Variants in TSHZ2 observed in about 807,000 individuals in gnomAD.
The protein encoded by TSHZ2 is teashirt zinc finger homeobox 2.
In TSHZ2, 21 loss-of-function variants were observed where a neutral mutation model predicts 74.4. That is an observed-to-expected ratio of 0.28 (90% CI 0.20 to 0.41). The LOEUF (loss-of-function observed/expected upper bound fraction) is 0.41, where lower values mean the gene tolerates loss of function less well. Among genes scored for constraint, TSHZ2 ranks in the 10% least tolerant of loss-of-function variants. The pLI is 1.00. For missense variants in TSHZ2, 1,244 were observed against 1,293.5 expected (o/e 0.96, Z 0.59); for synonymous variants, 540 against 515.3 (o/e 1.05, Z -0.65).
chr20:53,055,771 A>G (rs4356720), intron 1 of TSHZ2, among the ~76,000 whole-genome samples: 13,772 of 152,246 alleles, frequency 0.09, 1,715 homozygotes, highest in African/African-American at 0.28. Context: ...TCCCAGGGGC[A>G]GATAAACTAT....
intron 1 of TSHZ2, among the ~76,000 whole-genome samples, chr20:53,214,405 G>T (rs776219084): frequency 2.0e-5 from 3 of 152,146 alleles, no homozygotes; most frequent in Non-Finnish European, 2.9e-5. Context: ...GACTGGTATG[G>T]GAAGGGGCTT....
intron 2 of TSHZ2, among the ~76,000 whole-genome samples, chr20:53,391,115 C>CTTTTGTTTTGTTTTG (rs151236380): frequency 0.01 from 1,498 of 147,642 alleles, 18 homozygotes; most frequent in African/African-American, 0.02. Context: ...ATATACTACA[C>CTTTTGTTTTGTTTTG]TTTTGTTTTG....
In TSHZ2 at chr20:53,008,980, C is replaced by CCTCTCTCTCTCT. The variant is rs55692015; in HGVS notation, c.40+35687_40+35698dup. On this transcript the variant is annotated intron_variant, in intron 1 of 2. Transcript: ENST00000371497. ...GAAGTTATTTGAATGTTGTCTTTCT[C>CCTCTCTCTCTCT]CTCTCTCTCTCTCTCTCTCTCTCTC... Among the ~76,000 whole-genome samples, 362 of 130,484 alleles carry CCTCTCTCTCTCT rather than the reference C, an allele frequency of 2.8e-3. 7 individuals carry two copies. Among genetic ancestry groups the CCTCTCTCTCTCT allele is most frequent in the African/African-American group, 3.2e-3 (101 of 31,876 alleles). 85.6% of individuals were successfully genotyped at this position (130,484 alleles called of 152,430 possible).
At chr20:53,021,409 G>A (rs1312090964) in intron 1 of TSHZ2, among the ~76,000 whole-genome samples, 1 of 152,138 alleles carries the variant, frequency 6.6e-6, no homozygotes, top group African/African-American at 2.4e-5. Flanking sequence ...AAGCACACTA[G>A]TTTAAGAACC....
chr20:53,212,129 C>A (rs767512654), intron 1 of TSHZ2, among the ~76,000 whole-genome samples: 2 of 152,206 alleles, frequency 1.3e-5, no homozygotes, highest in Non-Finnish European at 2.9e-5. Flanking sequence ...CCAGACAGCA[C>A]TGCTTCTCTA....
At chr20:53,350,995 G>T (rs1239663030) in intron 2 of TSHZ2, among the ~76,000 whole-genome samples, 1 of 152,144 alleles carries the variant, frequency 6.6e-6, no homozygotes, top group Non-Finnish European at 1.5e-5. Flanking sequence ...TTTTATGAAG[G>T]TTCCAGCCAT....
intron 1 of TSHZ2, among the ~76,000 whole-genome samples, chr20:53,041,565 A>G (rs1256411861): frequency 3.3e-5 from 5 of 152,162 alleles, no homozygotes. Flanking sequence ...CTCAAGGAAG[A>G]CTAGGGTCAA....
At chr20:53,136,085 T>C (rs543018661) in intron 1 of TSHZ2, among the ~76,000 whole-genome samples, 1 of 152,320 alleles carries the variant, frequency 6.6e-6, no homozygotes, top group Non-Finnish European at 1.5e-5. Flanking sequence ...TTCTTGCTGG[T>C]GGGGACACTC....
chr20:53,027,892 T>A (rs6022229), intron 1 of TSHZ2, among the ~76,000 whole-genome samples: 106,993 of 152,002 alleles, frequency 0.7, 38,726 homozygotes, highest in East Asian at 0.96. Flanking sequence ...ATATTTTTTT[T>A]AAAAAAGAAA....
At chr20:53,362,768 C>T (rs776224788) in intron 2 of TSHZ2, among the ~76,000 whole-genome samples, 16 of 152,136 alleles carry the variant, frequency 1.1e-4, no homozygotes, top group Non-Finnish European at 1.9e-4. Context: ...TTGGAATGTA[C>T]ATTAATTTAT....
At chr20:53,360,583 T>A (rs781664697) in intron 2 of TSHZ2, among the ~76,000 whole-genome samples, 2 of 152,192 alleles carry the variant, frequency 1.3e-5, no homozygotes, top group Non-Finnish European at 2.9e-5. Context: ...GATGGTGTGA[T>A]TTTTGTCAGG....
chr20:53,072,394 C>T (rs1478279137), intron 1 of TSHZ2, among the ~76,000 whole-genome samples: 1 of 152,142 alleles, frequency 6.6e-6, no homozygotes, highest in Non-Finnish European at 1.5e-5. Context: ...GAAAGGGGTC[C>T]TACTATGTTT....
In TSHZ2 at chr20:53,253,643, G is replaced by C. The variant is rs779343986; in HGVS notation, c.185G>C (p.Gly62Ala). The C allele has an allele frequency of 3.1e-6, 5 of 1,614,000 alleles. No individual in the cohort carries two copies. Among genetic ancestry groups the C allele is most frequent in the Admixed American group, 1.7e-5 (1 of 60,014 alleles). ...EELETGPEQK[G>A]CFSYQNSPGS... Reference sequence around the variant, plus strand: ...CTAGAAACGGGCCCAGAGCAAAAAGGCTGCTTCAGCTACCAGAACTCTCCA... The same window carrying C: ...CTAGAAACGGGCCCAGAGCAAAAAGCCTGCTTCAGCTACCAGAACTCTCCA... The change falls in exon 2 of 3, where the codon GGC (glycine) becomes GCC (alanine). Residue 62 changes from glycine to alanine, a missense_variant. Physicochemically the swap from Gly to Ala is moderately conservative, Grantham distance 60 (BLOSUM62 0). Coordinates refer to ENST00000371497, the MANE Select transcript of TSHZ2 (RefSeq NM_173485.6).
chr20:53,098,130 TTGTG>T (rs1352038721), intron 1 of TSHZ2: 1 of 152,286 alleles, frequency 6.6e-6, no homozygotes, highest in East Asian at 1.9e-4. Flanking sequence ...CAGCAGAATA[TTGTG>T]GTTACGAGCA....
chr20:53,066,229 A>AG (rs1019704518), intron 1 of TSHZ2, among the ~76,000 whole-genome samples: 75 of 151,910 alleles, frequency 4.9e-4, no homozygotes, highest in African/African-American at 1.7e-3. Context: ...CTCAAGGGGA[A>AG]GGGTTGGTTT....
chr20:53,029,933 A>C (rs1983578140), intron 1 of TSHZ2, among the ~76,000 whole-genome samples: 1 of 152,172 alleles, frequency 6.6e-6, no homozygotes, highest in South Asian at 2.1e-4. Flanking sequence ...TGCCAAATAA[A>C]ATCTGTCTTT....
intron 1 of TSHZ2, among the ~76,000 whole-genome samples, chr20:53,096,695 C>T (rs1286707232): frequency 6.6e-6 from 1 of 151,734 alleles, no homozygotes; most frequent in Non-Finnish European, 1.5e-5. Flanking sequence ...CTAGCCTGGC[C>T]AACATGGTGA....
At chr20:53,327,033 G>T (rs1979522149) in intron 2 of TSHZ2, among the ~76,000 whole-genome samples, 1 of 152,238 alleles carries the variant, frequency 6.6e-6, no homozygotes, top group Non-Finnish European at 1.5e-5. Flanking sequence ...AACCGTACAT[G>T]CAGCACTGTG....
chr20:53,241,330 C>T (rs1384516348), intron 1 of TSHZ2, among the ~76,000 whole-genome samples: 2 of 152,130 alleles, frequency 1.3e-5, no homozygotes, highest in Non-Finnish European at 2.9e-5. Flanking sequence ...CTCAGACTCG[C>T]TGTTCCATAT....
Sources: gnomAD v4.1 joint callset for allele counts (sites outside exome capture counted in the v4.1 genomes callset) on GRCh38, gnomAD v4.1.1 for gene constraint, MANE v1.5 for transcripts, NCBI Gene and HGNC (gene_info 2026-07-23, HGNC 2026-07-21) for gene names.